Variants in FLAD1 observed in about 807,000 individuals in gnomAD.
The protein encoded by FLAD1 is bifunctional FAD diphosphatase/FAD synthase.
In FLAD1, 35 loss-of-function variants were observed where a neutral mutation model predicts 55.0. The observed-to-expected ratio is 0.64, with a 90% CI of 0.49 to 0.84. The LOEUF (loss-of-function observed/expected upper bound fraction) is 0.84. Ranked by LOEUF, FLAD1 falls within the 40% of genes least tolerant of loss-of-function variation. The probability of loss-of-function intolerance (pLI) is 0.00; values close to 1 mark genes in which losing one functional copy is unlikely to be tolerated. For missense variants in FLAD1, 665 were observed against 742.6 expected (o/e 0.90, Z 1.21); for synonymous variants, 267 against 303.0 (o/e 0.88, Z 1.23).
At chr1:154,985,040 T>C (rs1657508896) in intron 1 of FLAD1, among the ~76,000 whole-genome samples, 1 of 134,888 alleles carries the variant, frequency 7.4e-6, no homozygotes. Flanking sequence ...AATTTTTTTT[T>C]TTTTTTTTTT....
At chr1:154,991,193 C>CGTG (rs1657841509) in intron 5 of FLAD1, 1 of 88,268 alleles carries the variant, frequency 1.1e-5, no homozygotes, top group African/African-American at 4.8e-5. Context: ...GGCAACAGAA[C>CGTG]AAGACTCTGT....
chr1:154,984,455 T>G (rs1369404113), intron 1 of FLAD1, among the ~76,000 whole-genome samples: 1 of 152,108 alleles, frequency 6.6e-6, no homozygotes. Context: ...GGCTCACGCA[T>G]GTAATCCCAG....
At chr1:154,988,991 A>G in intron 2 of FLAD1, 142 bp downstream of exon 2, 2 of 1,483,260 alleles carry the variant, frequency 1.3e-6, no homozygotes, top group South Asian at 2.7e-5. Context: ...TATTCTTCCA[A>G]TAAATGTTGA....
At chr1:154,989,179 C>G (rs764515061) in intron 2 of FLAD1, among the ~76,000 whole-genome samples, 43 of 152,052 alleles carry the variant, frequency 2.8e-4, no homozygotes, top group Non-Finnish European at 5.6e-4. Context: ...CAGCCTTGAT[C>G]TGGGGTCAGA....
rs1364146295 is a variant in FLAD1, at chr1:154,983,651, A to G, written c.-44A>G. 9.6e-6 allele frequency: 15 copies of G among 1,559,598 alleles called. No homozygotes were observed. Among genetic ancestry groups the G allele is most frequent in the Non-Finnish European group, 1.2e-5 (14 of 1,152,154 alleles). ...TTAAAGTGGTAGGTTCTCAAGAGAGAAGAAGTTTTTAAGACTAGAGCTAAG... is the reference window on the plus strand; with the variant it reads ...TTAAAGTGGTAGGTTCTCAAGAGAGGAGAAGTTTTTAAGACTAGAGCTAAG... On this transcript the variant is annotated 5_prime_UTR_variant, in exon 1 of 7. Transcript: ENST00000292180.
At chr1:154,992,559 A>G (rs1348055512) in intron 5 of FLAD1, 154 bp from the exon 6 acceptor site, 3 of 1,612,988 alleles carry the variant, frequency 1.9e-6, no homozygotes, top group Non-Finnish European at 2.5e-6. Flanking sequence ...CTCTTTGCAT[A>G]CATAGAGCAA....
Position 154,988,501 on chromosome 1 carries a change from A to C in FLAD1, c.769A>C (p.Ile257Leu). ...CCGAAACGTCTACCTCTTCCCAGGC[A>C]TTCCAGAGCTGCTGCGGCGGGTGCT... is the stretch of plus-strand genomic sequence containing the variant. Reference protein sequence around the residue: ...SVRNVYLFPGIPELLRRVLEG... With the variant: ...SVRNVYLFPGLPELLRRVLEG... Residue 257 changes from isoleucine to leucine, a missense_variant, in exon 2 of 7, where the codon ATT becomes CTT. By Grantham distance (5) the Ile-to-Leu change is conservative. Transcript: ENST00000292180. The C allele has an allele frequency of 6.2e-7, 1 of 1,614,216 alleles. No individual in the cohort carries two copies. Among genetic ancestry groups the C allele is most frequent in the African/African-American group, 1.3e-5 (1 of 75,054 alleles).
chr1:154,985,597 G>C (rs1445375263), intron 1 of FLAD1, among the ~76,000 whole-genome samples: 2 of 151,270 alleles, frequency 1.3e-5, no homozygotes, highest in Admixed American at 6.6e-5. Flanking sequence ...GGGACGGATG[G>C]GGTTTCGCCA....
At chr1:154,991,420 T>A (rs910568204) in intron 5 of FLAD1, among the ~76,000 whole-genome samples, 1 of 149,936 alleles carries the variant, frequency 6.7e-6, no homozygotes, top group Non-Finnish European at 1.5e-5. Context: ...CGGAGCGTGG[T>A]GGCAGGCACC....
Position 154,992,519 on chromosome 1 carries a change from G to A in FLAD1, c.1555-194G>A, listed in dbSNP as rs1378855917. The A allele has an allele frequency of 5.2e-6, 8 of 1,543,972 alleles. No homozygotes were observed. The East Asian group carries it at 1.6e-4, about 31-fold the overall frequency. ...GAGGGTGGTTCAAGAATGGAAAGCA[G>A]AGAGTGGAGAAGATGAAGTCCTTCT... On this transcript the variant is annotated intron_variant, in intron 5 of 6. Coordinates refer to ENST00000292180, the MANE Select transcript of FLAD1 (RefSeq NM_025207.5).
At position 154,983,969 on chromosome 1, in the gene FLAD1, G is replaced by C. The variant is rs756141523; in HGVS notation, c.275G>C (p.Gly92Ala). 21 of 1,565,012 alleles carry C rather than the reference G, an allele frequency of 1.3e-5. No homozygotes were observed. In the Middle Eastern group the frequency reaches 6.9e-4, roughly 51 times the overall value. The change falls in exon 1 of 7, where the codon GGC becomes GCC. Residue 92 changes from glycine to alanine, a missense_variant. Gly to Ala is a moderately conservative substitution (Grantham distance 60). Coordinates refer to ENST00000292180, the MANE Select transcript of FLAD1 (RefSeq NM_025207.5). Reference protein sequence around the residue: ...LGGYWRALQRGREGRTMTSRA... With the variant: ...LGGYWRALQRAREGRTMTSRA... The stretch of plus-strand genomic sequence containing the variant: ...GGCTACTGGAGGGCCTTGCAGAGGG[G>C]CAGAGAAGGCAGGACCATGACATCT...
chr1:154,988,941 A>G, intron 2 of FLAD1, 92 bp downstream of exon 2: 1 of 1,576,420 alleles, frequency 6.3e-7, no homozygotes, highest in African/African-American at 1.4e-5. Context: ...TGCTTCCTGC[A>G]AATCCCTGAG....
chr1:154,990,569 C>A, intron 5 of FLAD1, 41 bp downstream of exon 5: 1 of 1,530,392 alleles, frequency 6.5e-7, no homozygotes. Flanking sequence ...TCTCACGTGC[C>A]CCAGCAGTCA....
Position 154,983,885 on chromosome 1 carries a change from AGTGCCCTGTAGACCTGGCAGGCCCCCC to A in FLAD1, c.196_222del (p.Pro66_Cys74del), listed in dbSNP as rs774147030. 8 of 1,613,736 alleles carry A rather than the reference AGTGCCCTGTAGACCTGGCAGGCCCCCC, an allele frequency of 5.0e-6. No individual in the cohort carries two copies. Among genetic ancestry groups the A allele is most frequent in the South Asian group, 2.2e-5 (2 of 91,068 alleles). ...CCCCTGTTCCCAGGCTATGGCCCCC[AGTGCCCTGTAGACCTGGCAGGCCCCCC>A]GTGCTTGCGACCCCTATTTGGGGGT... On this transcript the variant is annotated inframe_deletion, in exon 1 of 7. Transcript: ENST00000292180.
intron 1 of FLAD1, among the ~76,000 whole-genome samples, chr1:154,987,031 CT>C (rs11295595): frequency 0.13 from 18,739 of 144,106 alleles, 2,874 homozygotes; most frequent in African/African-American, 0.38. Flanking sequence ...AACACAGACC[CT>C]TTTTTTTTTT....
intron 2 of FLAD1, 151 bp from the exon 3 acceptor site, chr1:154,989,409 C>A: frequency 1.3e-6 from 1 of 748,250 alleles, no homozygotes; most frequent in Non-Finnish European, 2.0e-6. Flanking sequence ...GGGCAGACTG[C>A]AGGGCCTAGC....
rs145148009 is a variant in FLAD1 at position 154,988,115 on chromosome 1, A to G, written c.383A>G (p.Gln128Arg). ...VGDEILKGHTQDTNTFFLCRT... is the reference protein window; with the variant it reads ...VGDEILKGHTRDTNTFFLCRT... ...CCCTTCAACCCCCAGGGACACACTC[A>G]GGACACCAACACCTTCTTTCTGTGC... Residue 128 changes from glutamine to arginine, a missense_variant, in exon 2 of 7, where the codon CAG (glutamine) becomes CGG (arginine). Transcript: ENST00000292180. 9.9e-6 allele frequency: 16 copies of G among 1,614,080 alleles called. No individual in the cohort carries two copies. In the African/African-American group the frequency reaches 2.1e-4, roughly 22 times the overall value.
rs1395219011 is a variant in FLAD1 at position 154,983,556 on chromosome 1, A to G, written c.-139A>G. The stretch of plus-strand genomic sequence containing the variant: ...GGCCAAGGCCCAGGATAAGGTAGAC[A>G]TTTAAAGGGGTACGGATGCCCAAGG... On this transcript the variant is annotated 5_prime_UTR_variant, in exon 1 of 7. Coordinates refer to ENST00000292180, the MANE Select transcript of FLAD1 (RefSeq NM_025207.5). The G allele has an allele frequency of 5.8e-6, 5 of 857,540 alleles. No homozygotes were observed. The African/African-American group carries it at 6.8e-5, about 12-fold the overall frequency. 53.1% of individuals were successfully genotyped at this position (857,540 alleles called of 1,614,324 possible). A position where few individuals can be genotyped will look rare whatever the true frequency, so the allele number is the denominator to read the frequency against.
At chr1:154,987,978 A>G in intron 1 of FLAD1, 127 bp from the exon 2 acceptor site, 1 of 1,563,592 alleles carries the variant, frequency 6.4e-7, no homozygotes, top group Non-Finnish European at 8.7e-7. Flanking sequence ...CAGGCCCCTC[A>G]GCAGCCTGAG....
Sources: allele counts gnomAD v4.1 joint callset (sites outside exome capture counted in the v4.1 genomes callset), GRCh38; gene constraint gnomAD v4.1.1; transcripts MANE v1.5; gene names NCBI Gene and HGNC (gene_info 2026-07-23, HGNC 2026-07-21).